CYP4X1: variants seen among roughly 807,000 people sequenced by gnomAD.
CYP4X1 encodes the protein cytochrome P450 family 4 subfamily X member 1.
Under a neutral mutation model 57.9 loss-of-function variants are expected in CYP4X1, and 44 were observed. The observed-to-expected ratio is 0.76, with a 90% CI of 0.60 to 0.98. The LOEUF (loss-of-function observed/expected upper bound fraction) is 0.98, where lower values mean the gene tolerates loss of function less well. Among genes scored for constraint, CYP4X1 ranks in the 50% least tolerant of loss-of-function variants. The pLI is 0.00. For synonymous variants in CYP4X1, 227 were observed against 228.6 expected, an observed-to-expected ratio of 0.99 and a Z score of 0.06; for missense variants, 532 against 623.9, an observed-to-expected ratio of 0.85 and a Z score of 1.57.
chr1:47,033,991 G>A (rs1644151628), intron 4 of CYP4X1, among the ~76,000 whole-genome samples: 1 of 152,232 alleles, frequency 6.6e-6, no homozygotes, highest in African/African-American at 2.4e-5. Flanking sequence ...TGGAACTAGA[G>A]TTAATTGGAA....
At chr1:47,018,718 A>G (rs888761301), upstream of CYP4X1, among the ~76,000 whole-genome samples, 5 of 152,210 alleles carry the variant, frequency 3.3e-5, no homozygotes, top group African/African-American at 1.2e-4. Context: ...TAAGTTGTCT[A>G]GTCTTCAGTT....
At chr1:47,036,574 A>G (rs1039585498) in intron 6 of CYP4X1, among the ~76,000 whole-genome samples, 1 of 151,990 alleles carries the variant, frequency 6.6e-6, no homozygotes, top group Non-Finnish European at 1.5e-5. Context: ...CCGAAAGAAT[A>G]TTGATTCAAA....
intron 1 of CYP4X1, 129 bp downstream of exon 1, chr1:47,024,123 C>T (rs1644035293): frequency 8.8e-6 from 10 of 1,133,176 alleles, no homozygotes; most frequent in Non-Finnish European, 1.1e-5. Context: ...CTGGCCTTTC[C>T]AGCCCGGCCT....
At chr1:46,966,010 T>C in the CYP4X1 span, among the ~76,000 whole-genome samples, 2 of 152,210 alleles carry the variant, frequency 1.3e-5, no homozygotes, top group Non-Finnish European at 2.9e-5. Flanking sequence ...CTGTGCTGCT[T>C]TGTGGGAGAT....
At chr1:46,995,228 C>T in the CYP4X1 span, among the ~76,000 whole-genome samples, 10 of 152,056 alleles carry the variant, frequency 6.6e-5, no homozygotes, top group Admixed American at 2.0e-4. Flanking sequence ...CTTTATGCTA[C>T]GTACCTAATA....
intron 8 of CYP4X1, among the ~76,000 whole-genome samples, chr1:47,044,598 T>C (rs1644281362): frequency 6.6e-6 from 1 of 152,212 alleles, no homozygotes; most frequent in Non-Finnish European, 1.5e-5. Context: ...GAGATTTTTG[T>C]TTTCAATTTT....
At chr1:47,054,179 G>C (rs1372271472), downstream of CYP4X1, among the ~76,000 whole-genome samples, 969 of 146,740 alleles carry the variant, frequency 6.6e-3, 12 homozygotes, top group East Asian at 0.031. Flanking sequence ...ATAGGGAATT[G>C]TTTCCCCATT....
chr1:46,995,308 T>C, the CYP4X1 span, among the ~76,000 whole-genome samples: 105 of 152,198 alleles, frequency 6.9e-4, no homozygotes, highest in African/African-American at 2.2e-3. Flanking sequence ...GGCAGAAAAC[T>C]AAAACTGTTC....
intron 6 of CYP4X1, among the ~76,000 whole-genome samples, chr1:47,037,022 T>G (rs753440907): frequency 7.2e-5 from 11 of 152,168 alleles, no homozygotes; most frequent in Non-Finnish European, 1.6e-4. Context: ...ATAAACAATT[T>G]AAGGCATAAA....
the CYP4X1 span, among the ~76,000 whole-genome samples, chr1:47,007,966 T>C: frequency 4.6e-5 from 7 of 152,182 alleles, no homozygotes; most frequent in African/African-American, 9.7e-5. Flanking sequence ...CTGAAAGTGA[T>C]GGGGAGAAGG....
the CYP4X1 span, among the ~76,000 whole-genome samples, chr1:46,989,936 C>T: frequency 5.9e-5 from 9 of 152,128 alleles, no homozygotes; most frequent in African/African-American, 2.2e-4. Context: ...AACCCCAAAC[C>T]ATAAAAACTC....
At position 47,046,607 on chromosome 1, in the gene CYP4X1, A is replaced by G. The variant is rs1257102702; in HGVS notation, c.1207+7A>G. The G allele has an allele frequency of 2.5e-6, 4 of 1,614,090 alleles. No individual in the cohort carries two copies. The East Asian group carries it at 8.9e-5, about 36-fold the overall frequency. On this transcript the variant is annotated splice_region_variant and intron_variant, in intron 9 of 11. Coordinates refer to ENST00000371901, the MANE Select transcript of CYP4X1 (RefSeq NM_178033.2). Reference sequence around the variant, plus strand: ...GGATGCACATTGCCTGCAGGTCTTTACATTCTTTTCCTAAGCAGTTCTTAG... The same window carrying G: ...GGATGCACATTGCCTGCAGGTCTTTGCATTCTTTTCCTAAGCAGTTCTTAG...
the CYP4X1 span, among the ~76,000 whole-genome samples, chr1:47,015,852 GC>G: frequency 6.6e-6 from 1 of 152,128 alleles, no homozygotes; most frequent in South Asian, 2.1e-4. Context: ...AGCCTCCCCG[GC>G]CACGTGTTTT....
chr1:47,022,031 G>A (rs116162165), upstream of CYP4X1, among the ~76,000 whole-genome samples: 1,304 of 152,252 alleles, frequency 8.6e-3, 20 homozygotes, highest in African/African-American at 0.03. Context: ...ATCATGATTT[G>A]GGGGAGGAAT....
chr1:46,994,415 A>G, the CYP4X1 span: 1 of 152,760 alleles, frequency 6.5e-6, no homozygotes, highest in Non-Finnish European at 1.5e-5. Flanking sequence ...TTCAATAGTA[A>G]CAGAAGCAGG....
intron 1 of CYP4X1, among the ~76,000 whole-genome samples, chr1:47,024,741 A>G (rs1644043674): frequency 6.6e-6 from 1 of 152,178 alleles, no homozygotes; most frequent in Non-Finnish European, 1.5e-5. Context: ...AGACAAGGGA[A>G]TATCTGTCGG....
At chr1:47,048,775 A>G in intron 10 of CYP4X1, 146 bp downstream of exon 10, 1 of 791,242 alleles carries the variant, frequency 1.3e-6, no homozygotes, top group Non-Finnish European at 2.0e-6. Context: ...AAGAAATGTA[A>G]AACTATTCTA....
the CYP4X1 span, among the ~76,000 whole-genome samples, chr1:46,966,862 G>C: frequency 6.6e-6 from 1 of 152,226 alleles, no homozygotes; most frequent in Admixed American, 6.5e-5. Context: ...CATTGCCTTT[G>C]TGAGGGAAAG....
At chr1:47,001,132 TACTGG>T in the CYP4X1 span, 2 of 221,852 alleles carry the variant, frequency 9.0e-6, no homozygotes, top group Admixed American at 8.7e-5. Context: ...CCCCATTTTG[TACTGG>T]ACAGGCTCTG....
Sources: allele counts gnomAD v4.1 joint callset (sites outside exome capture counted in the v4.1 genomes callset), GRCh38; gene constraint gnomAD v4.1.1; transcripts MANE v1.5; gene names NCBI Gene and HGNC (gene_info 2026-07-23, HGNC 2026-07-21).